The following EEPD1 variants were observed in gnomAD, a reference collection of about 807,000 sequenced individuals.
EEPD1 encodes the protein endonuclease/exonuclease/phosphatase family domain containing 1, also known as endonuclease/exonuclease/phosphatase family domain-containing protein 1.
In EEPD1, 17 loss-of-function variants were observed where a neutral mutation model predicts 46.3. The observed-to-expected ratio is 0.37, with a 90% CI of 0.25 to 0.55. The LOEUF (loss-of-function observed/expected upper bound fraction) is 0.55. Ranked by LOEUF, EEPD1 falls within the 20% of genes least tolerant of loss-of-function variation. EEPD1 has a pLI of 0.83. For missense variants in EEPD1, 673 were observed against 745.6 expected (o/e 0.90, Z 1.13); for synonymous variants, 313 against 315.6 (o/e 0.99, Z 0.09).
At chr7:36,182,967 G>A (rs1785300768) in intron 2 of EEPD1, among the ~76,000 whole-genome samples, 3 of 152,210 alleles carry the variant, frequency 2.0e-5, no homozygotes, top group Admixed American at 2.0e-4. Context: ...TTTGTGGAAA[G>A]CAGTAGCCAT....
At chr7:36,205,072 C>T (rs372512378) in intron 2 of EEPD1, among the ~76,000 whole-genome samples, 1 of 152,200 alleles carries the variant, frequency 6.6e-6, no homozygotes, top group Non-Finnish European at 1.5e-5. Flanking sequence ...CATTCCCACT[C>T]CCCCACTGTC....
intron 2 of EEPD1, among the ~76,000 whole-genome samples, chr7:36,198,231 T>G (rs949174736): frequency 1.3e-5 from 2 of 148,912 alleles, no homozygotes; most frequent in Non-Finnish European, 3.0e-5. Context: ...GAGATTGAAA[T>G]AGTTAAAAAT....
intron 2 of EEPD1, among the ~76,000 whole-genome samples, chr7:36,177,584 A>C (rs1027084333): frequency 6.6e-6 from 1 of 152,202 alleles, no homozygotes; most frequent in Non-Finnish European, 1.5e-5. Context: ...ATGTTGCTGC[A>C]AAGGACATGA....
At chr7:36,252,123 T>A (rs1484576267) in intron 3 of EEPD1, among the ~76,000 whole-genome samples, 3 of 152,356 alleles carry the variant, frequency 2.0e-5, no homozygotes, top group Non-Finnish European at 2.9e-5. Flanking sequence ...CTTAGTCTTC[T>A]TATTGATTCT....
intron 2 of EEPD1, among the ~76,000 whole-genome samples, chr7:36,158,448 A>C (rs1320338336): frequency 6.6e-6 from 1 of 152,184 alleles, no homozygotes; most frequent in African/African-American, 2.4e-5. Context: ...TTGCTTTAGT[A>C]GGTGTGTTTT....
chr7:36,269,445 G>A (rs1448057087), intron 3 of EEPD1, among the ~76,000 whole-genome samples: 2 of 152,158 alleles, frequency 1.3e-5, no homozygotes, highest in East Asian at 1.9e-4. Flanking sequence ...CTTGAGCTGA[G>A]GAGTTGGAGT....
chr7:36,170,643 C>G (rs1785062922), intron 2 of EEPD1, among the ~76,000 whole-genome samples: 7 of 150,786 alleles, frequency 4.6e-5, no homozygotes, highest in Admixed American at 4.6e-4. Context: ...CCCATAGATT[C>G]CAAGTGCAAA....
At chr7:36,264,676 T>G (rs1786984596) in intron 3 of EEPD1, among the ~76,000 whole-genome samples, 1 of 152,206 alleles carries the variant, frequency 6.6e-6, no homozygotes, top group Admixed American at 6.5e-5. Context: ...GTGCCCAGTA[T>G]GTTGGAGGGA....
chr7:36,184,332 G>T (rs1398179766), intron 2 of EEPD1, among the ~76,000 whole-genome samples: 1 of 152,184 alleles, frequency 6.6e-6, no homozygotes, highest in African/African-American at 2.4e-5. Flanking sequence ...CCAGCTGGCT[G>T]TGTCCTGTGG....
At chr7:36,199,049 A>G (rs189036193) in intron 2 of EEPD1, among the ~76,000 whole-genome samples, 5 of 151,856 alleles carry the variant, frequency 3.3e-5, no homozygotes, top group African/African-American at 9.7e-5. Flanking sequence ...TCAATTTCAC[A>G]CTTACCCAGC....
intron 2 of EEPD1, among the ~76,000 whole-genome samples, chr7:36,219,974 C>T (rs1464978401): frequency 6.6e-6 from 1 of 152,104 alleles, no homozygotes; most frequent in East Asian, 1.9e-4. Context: ...GTCCATCCCA[C>T]ATGGCCTGAG....
At chr7:36,183,908 T>C (rs1785319302) in intron 2 of EEPD1, among the ~76,000 whole-genome samples, 1 of 151,550 alleles carries the variant, frequency 6.6e-6, no homozygotes, top group Non-Finnish European at 1.5e-5. Flanking sequence ...AAAATGTGTG[T>C]TGTTGTTTAT....
In EEPD1 at chr7:36,153,511, C is replaced by CA. The variant is rs1371424297; in HGVS notation, c.-355dup. ...GTTTCTCCCATAGAAAGAGCCGGGA[C>CA]ACGCAGACCGAAGCGGCGTAGTCGG... On this transcript the variant is annotated 5_prime_UTR_variant, in exon 1 of 8. An upstream open reading frame in the 5' UTR loses its in-frame stop. Coordinates refer to ENST00000242108, the MANE Select transcript of EEPD1 (RefSeq NM_030636.3). 2 of 152,280 alleles carry CA rather than the reference C, an allele frequency of 1.3e-5. No individual in the cohort carries two copies. The highest frequency in any genetic ancestry group is 2.9e-5 in the Non-Finnish European group (2 of 68,090). 9.4% of individuals were successfully genotyped at this position (152,280 alleles called of 1,614,324 possible).
intron 2 of EEPD1, among the ~76,000 whole-genome samples, chr7:36,237,027 C>T (rs1399672372): frequency 6.6e-6 from 1 of 152,360 alleles, no homozygotes; most frequent in South Asian, 2.1e-4. Context: ...TGCTGTAACA[C>T]TCACTGCGAA....
intron 2 of EEPD1, among the ~76,000 whole-genome samples, chr7:36,176,407 G>A (rs919088752): frequency 5.9e-5 from 9 of 152,208 alleles, no homozygotes; most frequent in Non-Finnish European, 1.3e-4. Context: ...CCTCATTTTA[G>A]GGTAGGAAAA....
At chr7:36,223,300 C>T (rs961390208) in intron 2 of EEPD1, among the ~76,000 whole-genome samples, 1 of 152,070 alleles carries the variant, frequency 6.6e-6, no homozygotes, top group Middle Eastern at 3.2e-3. Flanking sequence ...CTCTTGGGAG[C>T]TTTTTGTGCG....
At chr7:36,263,338 G>T (rs114360808) in intron 3 of EEPD1, among the ~76,000 whole-genome samples, 1 of 151,860 alleles carries the variant, frequency 6.6e-6, no homozygotes, top group Non-Finnish European at 1.5e-5. Context: ...CTCAAGGGAG[G>T]GGGGGGAAAA....
In EEPD1 at chr7:36,281,138, G is replaced by C. The variant is rs148018632; in HGVS notation, c.954G>C (p.Pro318=). The C allele has an allele frequency of 6.2e-7, 1 of 1,613,990 alleles. No homozygotes were observed. Among genetic ancestry groups the C allele is most frequent in the Non-Finnish European group, 8.5e-7 (1 of 1,180,042 alleles). The change falls in exon 4 of 8, where the codon CCG becomes CCC. Residue 318 remains proline (P), a synonymous_variant. Coordinates refer to ENST00000242108, the MANE Select transcript of EEPD1 (RefSeq NM_030636.3). ...LEKFCTELNQ[P]TLPNIRKWKG... Reference sequence around the variant, plus strand: ...AGTTCTGCACGGAGCTAAACCAGCCGACCCTGCCCAACATCCGCAAGTGGA... The same window carrying C: ...AGTTCTGCACGGAGCTAAACCAGCCCACCCTGCCCAACATCCGCAAGTGGA...
chr7:36,267,068 ACTT>A (rs1240324031), intron 3 of EEPD1, among the ~76,000 whole-genome samples: 1 of 151,986 alleles, frequency 6.6e-6, no homozygotes, highest in Non-Finnish European at 1.5e-5. Flanking sequence ...TACCATTCTC[ACTT>A]CTTTGGTGCC....
Sources: gnomAD v4.1 joint callset for allele counts (sites outside exome capture counted in the v4.1 genomes callset) on GRCh38, gnomAD v4.1.1 for gene constraint, MANE v1.5 for transcripts, NCBI Gene and HGNC (gene_info 2026-07-23, HGNC 2026-07-21) for gene names.